The following MPP2 variants were observed in gnomAD, a reference collection of about 807,000 sequenced individuals.
MPP2 encodes MAGUK p55 scaffold protein 2.
In MPP2, 42 loss-of-function variants were observed where a neutral mutation model predicts 58.5. That is an observed-to-expected ratio of 0.72 (90% CI 0.56 to 0.93). The LOEUF is 0.93. Among genes scored for constraint, MPP2 ranks in the 40% least tolerant of loss-of-function variants. MPP2 has a pLI of 0.00. For missense variants in MPP2, 632 were observed against 760.4 expected, an observed-to-expected ratio of 0.83 and a Z score of 1.99; for synonymous variants, 300 against 307.8, an observed-to-expected ratio of 0.97 and a Z score of 0.26.
Position 43,882,415 on chromosome 17 carries a change from T to G in MPP2, c.550A>C (p.Ile184Leu), listed in dbSNP as rs1450541303. ...GGCTGCCCGTTCACCTCCTTGATGA[T>G]GTCACCCACATGCAGCAGGCCTTGT... Reference protein sequence around the residue: ...AQQGLLHVGDIIKEVNGQPVG... With the variant: ...AQQGLLHVGDLIKEVNGQPVG... Residue 184 changes from isoleucine (I) to leucine (L), a missense_variant, in exon 6 of 13, where the codon ATC (isoleucine) becomes CTC (leucine). Transcript: ENST00000269095. 2 of 1,611,052 alleles carry G rather than the reference T, an allele frequency of 1.2e-6. No individual in the cohort carries two copies. Among genetic ancestry groups the G allele is most frequent in the African/African-American group, 2.7e-5 (2 of 74,932 alleles).
intron 3 of MPP2, among the ~76,000 whole-genome samples, chr17:43,889,393 C>T (rs1405914071): frequency 1.4e-5 from 2 of 145,938 alleles, no homozygotes; most frequent in Admixed American, 6.9e-5. Flanking sequence ...GACAGAGTCT[C>T]GCTCTATCGC....
intron 1 of MPP2, chr17:43,907,071 C>G (rs984152108): frequency 2.7e-6 from 2 of 729,642 alleles, no homozygotes; most frequent in Non-Finnish European, 3.4e-6. Flanking sequence ...CACCGGGACC[C>G]AGCGCAACCT....
upstream of MPP2, chr17:43,907,619 G>C (rs2048345323): frequency 1.0e-6 from 1 of 985,518 alleles, no homozygotes; most frequent in Non-Finnish European, 1.2e-6. Flanking sequence ...GGGAGGTGAG[G>C]AGAACGCGGA....
At position 43,882,320 on chromosome 17, in the gene MPP2, G is replaced by T; in HGVS notation, c.645C>A (p.Ile215=). 6.2e-7 allele frequency: 1 copy of T among 1,612,226 alleles called. No individual in the cohort carries two copies. Among genetic ancestry groups the T allele is most frequent in the Non-Finnish European group, 8.5e-7 (1 of 1,179,912 alleles). Reference sequence around the variant, plus strand: ...GATGGGGCTCCTGGTAGCTGGGCAGGATCTTGAGGATGACACTGCCACTGG... The same window carrying T: ...GATGGGGCTCCTGGTAGCTGGGCAGTATCTTGAGGATGACACTGCCACTGG... ...RNASGSVILK[I]LPSYQEPHLP... The change falls in exon 6 of 13, where the codon ATC becomes ATA. Residue 215 remains isoleucine (I), a synonymous_variant. Coordinates refer to ENST00000269095, the MANE Select transcript of MPP2 (RefSeq NM_005374.5).
chr17:43,878,705 C>A (rs1464566724), intron 12 of MPP2, among the ~76,000 whole-genome samples: 1 of 152,212 alleles, frequency 6.6e-6, no homozygotes, highest in East Asian at 1.9e-4. Flanking sequence ...CAGCACCAGG[C>A]ATGGCCAGCA....
Position 43,879,638 on chromosome 17 carries a change from A to G in MPP2, c.1353+144T>C. 1.9e-6 allele frequency: 2 copies of G among 1,058,170 alleles called. No homozygotes were observed. The highest frequency in any genetic ancestry group is 1.4e-6 in the Non-Finnish European group (1 of 729,794). The allele number at this position is 1,058,170 out of a possible 1,614,324, so 65.5% of individuals were successfully genotyped here. Reference sequence around the variant, plus strand: ...ACTCTGGAAGGCTGAGAAAGGTTCCAGGTGGGCTGGGTTTCTAGCAGTAGT... The same window carrying G: ...ACTCTGGAAGGCTGAGAAAGGTTCCGGGTGGGCTGGGTTTCTAGCAGTAGT... On this transcript the variant is annotated intron_variant, in intron 11 of 12. Transcript: ENST00000269095. This position sits in a 1 kb window ranked among gnomAD's most constrained non-coding sequence, Gnocchi z 4.1.
rs547539593 is a variant in MPP2, at chr17:43,885,247, G to A, written c.151-1892C>T. 3.3e-5 allele frequency among the ~76,000 whole-genome samples: 5 copies of A among 150,506 alleles called. No individual in the cohort carries two copies. In the East Asian group the frequency reaches 7.8e-4, roughly 23 times the overall value. ...TATTCCATGTGTTCTAATCCATTAC[G>A]ATCACTATCTTCGTTGACCCAGTTT... On this transcript the variant is annotated intron_variant, in intron 3 of 12. Transcript: ENST00000269095.
chr17:43,888,315 C>A (rs1218833316), intron 3 of MPP2, among the ~76,000 whole-genome samples: 1 of 152,174 alleles, frequency 6.6e-6, no homozygotes, highest in African/African-American at 2.4e-5. Flanking sequence ...GGGAAACAGA[C>A]AACTGATGGG....
chr17:43,906,130 G>A (rs231480), intron 1 of MPP2: 358,087 of 975,616 alleles, frequency 0.37, 68,494 homozygotes, highest in East Asian at 0.66. Flanking sequence ...GTCAGAGAAG[G>A]GACTCCAGAA....
upstream of MPP2, among the ~76,000 whole-genome samples, chr17:43,908,545 A>G (rs2048369414): frequency 6.6e-6 from 1 of 152,174 alleles, no homozygotes; most frequent in South Asian, 2.1e-4. Flanking sequence ...GACTAGCCCA[A>G]GCAACATAGT....
At chr17:43,909,424 C>G, upstream of MPP2, 1 of 547,448 alleles carries the variant, frequency 1.8e-6, no homozygotes, top group Non-Finnish European at 2.8e-6. Flanking sequence ...AAAGGCTACC[C>G]TCCACTGTCA....
At chr17:43,896,254 T>TA (rs1403700278) in intron 3 of MPP2, among the ~76,000 whole-genome samples, 3 of 152,078 alleles carry the variant, frequency 2.0e-5, no homozygotes, top group Non-Finnish European at 2.9e-5. Context: ...ACGCCTGCCA[T>TA]AGCCCTACAT....
Position 43,877,575 on chromosome 17 carries a change from A to G in MPP2, c.*232T>C, listed in dbSNP as rs2046900213. ...GGCCCTCAGAGATATCTGGTGACCAATGGGCATCAGGAGTGGGCAGCACCT... is the reference window on the plus strand; with the variant it reads ...GGCCCTCAGAGATATCTGGTGACCAGTGGGCATCAGGAGTGGGCAGCACCT... On this transcript the variant is annotated 3_prime_UTR_variant, in exon 13 of 13. Transcript: ENST00000269095. 3 of 546,568 alleles carry G rather than the reference A, an allele frequency of 5.5e-6. No individual in the cohort carries two copies. Among genetic ancestry groups the G allele is most frequent in the Admixed American group, 6.1e-5 (2 of 32,768 alleles). The allele number at this position is 546,568 out of a possible 1,614,324, so 33.9% of individuals were successfully genotyped here.
chr17:43,882,492 T>A lies in MPP2; in HGVS notation c.473A>T (p.Glu158Val). 6.2e-7 allele frequency: 1 copy of A among 1,604,612 alleles called. No individual in the cohort carries two copies. Among genetic ancestry groups the A allele is most frequent in the Non-Finnish European group, 8.5e-7 (1 of 1,179,906 alleles). ...GEHLGVTFRV[E>V]GGELVIARIL... is the part of the protein sequence containing the mutation. ...GCGCGCGATCACCAGCTCGCCGCCCTCCACGCGGAACGTTACACCCTGGAG... is the reference window on the plus strand; with the variant it reads ...GCGCGCGATCACCAGCTCGCCGCCCACCACGCGGAACGTTACACCCTGGAG... The change falls in exon 6 of 13, where the codon GAG (glutamate) becomes GTG (valine). Residue 158 changes from glutamate to valine, a missense_variant. Coordinates refer to ENST00000269095, the MANE Select transcript of MPP2 (RefSeq NM_005374.5).
chr17:43,878,124 C>T lies in MPP2; in HGVS notation c.1483-141G>A, dbSNP rs1238850739. 1.1e-5 allele frequency: 9 copies of T among 809,782 alleles called. No homozygotes were observed. In the Admixed American group the frequency reaches 2.3e-4, roughly 21 times the overall value. The allele number at this position is 809,782 out of a possible 1,614,324, so 50.2% of individuals were successfully genotyped here. A position where few individuals can be genotyped will look rare whatever the true frequency, so the allele number is the denominator to read the frequency against. ...TCCCTGGCTAGGGAGGCAGGGGCCCCTCTCTGCGTGCCTCAAAGTGGCTCA... is the reference window on the plus strand; with the variant it reads ...TCCCTGGCTAGGGAGGCAGGGGCCCTTCTCTGCGTGCCTCAAAGTGGCTCA... On this transcript the variant is annotated intron_variant, in intron 12 of 12. Transcript: ENST00000269095.
chr17:43,894,448 CACACACACACACACA>C (rs2047747043), intron 3 of MPP2, among the ~76,000 whole-genome samples: 1 of 32,566 alleles, frequency 3.1e-5, no homozygotes, highest in Admixed American at 4.0e-4. Flanking sequence ...TATATATACA[CACACACACACACACA>C]AAAATTAGCC....
chr17:43,904,270 A>T (rs1256928631), intron 2 of MPP2, among the ~76,000 whole-genome samples, 160 bp downstream of exon 2: 1 of 152,116 alleles, frequency 6.6e-6, no homozygotes, highest in Non-Finnish European at 1.5e-5. Flanking sequence ...CACAGAGGAG[A>T]TGGCCACAGC....
Position 43,880,601 on chromosome 17 carries a change from CATG to C in MPP2, c.1150+87_1150+89del. 1 of 1,436,794 alleles carries C rather than the reference CATG, an allele frequency of 7.0e-7. No individual in the cohort carries two copies. Among genetic ancestry groups the C allele is most frequent in the Non-Finnish European group, 9.3e-7 (1 of 1,071,230 alleles). The allele number at this position is 1,436,794 out of a possible 1,614,324, so 89.0% of individuals were successfully genotyped here. ...CAAAGGTACCACCTGGCCTGGTGCC[CATG>C]AAGATGCCCATTCGGTGGGCCCAGC... On this transcript the variant is annotated intron_variant, in intron 10 of 12. Transcript: ENST00000269095. This position sits in a 1 kb window ranked among gnomAD's most constrained non-coding sequence, Gnocchi z 5.2.
At position 43,880,405 on chromosome 17, in the gene MPP2, A is replaced by G. The variant is rs576888940; in HGVS notation, c.1150+286T>C. Among the ~76,000 whole-genome samples the G allele has an allele frequency of 1.7e-3, 254 of 152,350 alleles. No homozygotes were observed. Among genetic ancestry groups the G allele is most frequent in the African/African-American group, 5.9e-3 (244 of 41,578 alleles). On this transcript the variant is annotated intron_variant, in intron 10 of 12. Coordinates refer to ENST00000269095, the MANE Select transcript of MPP2 (RefSeq NM_005374.5). This position sits in a 1 kb window ranked among gnomAD's most constrained non-coding sequence, Gnocchi z 5.2. Reference sequence around the variant, plus strand: ...CTCGTAGCCTGTTTCACCCGGGTGCACAGCTGGGCACTCACTTTCTTCATG... The same window carrying G: ...CTCGTAGCCTGTTTCACCCGGGTGCGCAGCTGGGCACTCACTTTCTTCATG...
Sources: gnomAD v4.1 joint callset for allele counts (sites outside exome capture counted in the v4.1 genomes callset) on GRCh38, gnomAD v4.1.1 for gene constraint, Gnocchi (gnomAD v3.1) non-coding constraint, MANE v1.5 for transcripts, NCBI Gene and HGNC (gene_info 2026-07-23, HGNC 2026-07-21) for gene names.